The following UGT1A5 variants were observed in gnomAD, a reference collection of about 807,000 sequenced individuals.
UGT1A5 encodes UDP-glucuronosyltransferase 1A5.
A neutral mutation model predicts 40.3 loss-of-function variants in UGT1A5; 29 were observed. The observed-to-expected ratio is 0.72, with a 90% CI of 0.54 to 0.98. The LOEUF is 0.98. UGT1A5 is among the 50% of genes least tolerant of loss of function. The pLI, the probability that UGT1A5 is intolerant of heterozygous loss-of-function variation, is 0.00. For missense variants in UGT1A5, 678 were observed against 677.9 expected (o/e 1.00, Z 0.00); for synonymous variants, 257 against 262.5 (o/e 0.98, Z 0.20).
chr2:233,759,046 C>G (rs1422861422), intron 1 of UGT1A5, among the ~76,000 whole-genome samples: 1 of 152,268 alleles, frequency 6.6e-6, no homozygotes, highest in South Asian at 2.1e-4. Context: ...CTGTTGTGAA[C>G]AAAAGTTCTC....
chr2:233,762,007 A>G (rs1297893749), intron 1 of UGT1A5, among the ~76,000 whole-genome samples: 1 of 152,144 alleles, frequency 6.6e-6, no homozygotes, highest in African/African-American at 2.4e-5. Flanking sequence ...CTATACCTCC[A>G]ATGTGATTTG....
intron 3 of UGT1A5, 57 bp from the exon 4 acceptor site, chr2:233,768,163 T>A: frequency 6.2e-7 from 1 of 1,613,480 alleles, no homozygotes; most frequent in Non-Finnish European, 8.5e-7. Flanking sequence ...CCTAGATGTG[T>A]CCAGCTGTGA....
At chr2:233,753,211 T>A (rs964244574) in intron 1 of UGT1A5, 3 of 152,210 alleles carry the variant, frequency 2.0e-5, no homozygotes, top group African/African-American at 4.8e-5. Flanking sequence ...CAGTCTGTCT[T>A]ATTTTGATAC....
chr2:233,719,433 A>G, intron 1 of UGT1A5: 1 of 1,613,974 alleles, frequency 6.2e-7, no homozygotes, highest in Non-Finnish European at 8.5e-7. Flanking sequence ...TTCAGACCAC[A>G]TGACATTCCT....
Position 233,725,255 on chromosome 2 carries a change from A to AGAGGCAGAG in UGT1A5, c.867+11408_867+11416dup, listed in dbSNP as rs1488139555. 3.1e-5 allele frequency among the ~76,000 whole-genome samples: 2 copies of AGAGGCAGAG among 63,970 alleles called. 1 individual carries two copies. The highest frequency in any genetic ancestry group is 5.4e-5 in the Non-Finnish European group (2 of 36,928). The allele number at this position is 63,970 out of a possible 152,430, so 42.0% of individuals were successfully genotyped here. A position where few individuals can be genotyped will look rare whatever the true frequency, so the allele number is the denominator to read the frequency against. ...CAGAGGAGGCAGAGGCAGAGGAGGC[A>AGAGGCAGAG]GAGGCAGAGGAGGCAGAGGCAGAGG... is the stretch of plus-strand genomic sequence containing the variant. On this transcript the variant is annotated intron_variant, in intron 1 of 4. Coordinates refer to ENST00000373414, the MANE Select transcript of UGT1A5 (RefSeq NM_019078.2).
chr2:233,755,791 C>T (rs1696023449), intron 1 of UGT1A5: 1 of 152,494 alleles, frequency 6.6e-6, no homozygotes, highest in Admixed American at 6.5e-5. Flanking sequence ...ATCATATGTA[C>T]TGCATTAGAG....
intron 1 of UGT1A5, among the ~76,000 whole-genome samples, chr2:233,749,246 T>C (rs765293150): frequency 2.6e-5 from 4 of 151,942 alleles, no homozygotes; most frequent in East Asian, 1.9e-4. Flanking sequence ...TCAAACCACA[T>C]GATTTTTTTA....
intron 1 of UGT1A5, chr2:233,719,027 C>A: frequency 1.2e-6 from 2 of 1,614,228 alleles, no homozygotes; most frequent in South Asian, 1.1e-5. Flanking sequence ...ATATGCACAT[C>A]AAAGAAGAGA....
chr2:233,732,054 CA>C (rs1380241108), intron 1 of UGT1A5, among the ~76,000 whole-genome samples: 13 of 152,278 alleles, frequency 8.5e-5, no homozygotes, highest in Non-Finnish European at 4.4e-5. Flanking sequence ...AGCATTTATT[CA>C]TGTGTCTGTT....
At chr2:233,747,297 T>TG (rs1437353605) in intron 1 of UGT1A5, 13 of 1,601,102 alleles carry the variant, frequency 8.1e-6, no homozygotes, top group Non-Finnish European at 1.1e-5. Context: ...GGGCTGAGAG[T>TG]GGGAAGGTGC....
At chr2:233,732,739 T>C (rs2078307146) in intron 1 of UGT1A5, among the ~76,000 whole-genome samples, 1 of 151,466 alleles carries the variant, frequency 6.6e-6, no homozygotes, top group Non-Finnish European at 1.5e-5. Flanking sequence ...TCAGGTAGCA[T>C]GATGCCACCA....
At chr2:233,748,082 C>A (rs1013967791) in intron 1 of UGT1A5, 6 of 1,612,924 alleles carry the variant, frequency 3.7e-6, no homozygotes, top group Non-Finnish European at 5.1e-6. Context: ...TATCTCAGGT[C>A]GGTGTTCGTG....
intron 1 of UGT1A5, chr2:233,754,336 T>A: frequency 4.0e-6 from 1 of 251,592 alleles, no homozygotes; most frequent in Non-Finnish European, 7.8e-6. Context: ...TTAAGTTTAA[T>A]AAATAGCAAA....
chr2:233,721,021 C>T (rs914413376), intron 1 of UGT1A5, among the ~76,000 whole-genome samples: 6 of 152,026 alleles, frequency 3.9e-5, no homozygotes, highest in Non-Finnish European at 8.8e-5. Context: ...AGGGAGCCAT[C>T]TTTCTTGTGA....
Position 233,772,356 on chromosome 2 carries a change from A to G in UGT1A5, c.1402A>G (p.Arg468Gly). Reference protein sequence around the residue: ...LAVFWVEFVMRHKGAPHLRPA... With the variant: ...LAVFWVEFVMGHKGAPHLRPA... ...CGTGTTCTGGGTGGAGTTTGTGATG[A>G]GGCACAAGGGCGCGCCACACCTGCG... The change falls in exon 5 of 5, where the codon AGG (arginine) becomes GGG (glycine). Residue 468 changes from arginine to glycine, a missense_variant. Transcript: ENST00000373414. 6.2e-7 allele frequency: 1 copy of G among 1,614,222 alleles called. No individual in the cohort carries two copies. The highest frequency in any genetic ancestry group is 1.6e-4 in the Middle Eastern group (1 of 6,062).
Position 233,742,052 on chromosome 2 carries a change from GT to G in UGT1A5, c.868-24980del, listed in dbSNP as rs1691857314. On this transcript the variant is annotated intron_variant, in intron 1 of 4. Coordinates refer to ENST00000373414, the MANE Select transcript of UGT1A5 (RefSeq NM_019078.2). ...ATGTCCCAAGCATAGCAATAGGATA[GT>G]TCTGTGTGGCCTTATGGAGATCCTT... 2.0e-5 allele frequency: 3 copies of G among 151,942 alleles called. 1 individual carries two copies. Among genetic ancestry groups the G allele is most frequent in the African/African-American group, 7.3e-5 (3 of 41,170 alleles). The allele number at this position is 151,942 out of a possible 1,614,324, so 9.4% of individuals were successfully genotyped here.
intron 1 of UGT1A5, chr2:233,743,443 T>A (rs1388678157): frequency 7.3e-7 from 1 of 1,363,152 alleles, no homozygotes; most frequent in Non-Finnish European, 9.8e-7. Context: ...AAATCCTGTA[T>A]CAAAAGAAGA....
chr2:233,741,884 A>C (rs1310090539), intron 1 of UGT1A5: 1 of 151,868 alleles, frequency 6.6e-6, no homozygotes, highest in South Asian at 2.1e-4. Flanking sequence ...AGGTGACCCT[A>C]GAAGAAGGGA....
chr2:233,747,460 C>T, intron 1 of UGT1A5: 1 of 1,608,790 alleles, frequency 6.2e-7, no homozygotes, highest in Non-Finnish European at 8.5e-7. Context: ...TATGCCATTT[C>T]ATGGACCCAG....
Sources: allele counts gnomAD v4.1 joint callset (sites outside exome capture counted in the v4.1 genomes callset), GRCh38; gene constraint gnomAD v4.1.1; transcripts MANE v1.5; gene names NCBI Gene and HGNC (gene_info 2026-07-23, HGNC 2026-07-21).